The following TEP1 variants were observed in gnomAD, a reference collection of about 807,000 sequenced individuals.
TEP1 encodes the protein telomerase protein component 1.
Under a neutral mutation model 306.3 loss-of-function variants are expected in TEP1, and 241 were observed. The ratio of observed to expected loss-of-function variants is 0.79; its 90% CI spans 0.71 to 0.88. The LOEUF is 0.88. TEP1 is among the 40% of genes least tolerant of loss of function. TEP1 has a pLI of 0.00. For synonymous variants in TEP1, 1,289 were observed against 1,305.5 expected (o/e 0.99, Z 0.27); for missense variants, 3,051 against 3,276.1 (o/e 0.93, Z 1.68).
chr14:20,371,396 GTTT>G, intron 50 of TEP1, 82 bp from the exon 51 acceptor site: 3 of 1,600,392 alleles, frequency 1.9e-6, no homozygotes, highest in Non-Finnish European at 2.6e-6. Context: ...AGACTCCAGA[GTTT>G]TCTTCTAAGT....
At position 20,367,386 on chromosome 14, in the gene TEP1, G is replaced by C. The variant is rs551815410; in HGVS notation, c.*1051C>G. On this transcript the variant is annotated 3_prime_UTR_variant, in exon 55 of 55. Transcript: ENST00000262715. ...TCAAAAACAAAAAAAAAAAAAAAAG[G>C]TTTTTTACTTAAGAAAATCAGAGTT... 3 of 142,932 alleles carry C rather than the reference G, an allele frequency of 2.1e-5. No homozygotes were observed. The East Asian group carries it at 6.1e-4, about 29-fold the overall frequency. 8.9% of individuals were successfully genotyped at this position (142,932 alleles called of 1,614,324 possible).
In TEP1 at chr14:20,406,350, A is replaced by G. The variant is rs933065363; in HGVS notation, c.618T>C (p.Pro206=). The G allele has an allele frequency of 6.2e-7, 1 of 1,613,988 alleles. No individual in the cohort carries two copies. The highest frequency in any genetic ancestry group is 1.3e-5 in the African/African-American group (1 of 74,888). ...EEKKGAETQM[P]SYSLSLGEEE... is the part of the protein sequence containing the mutation. ...CCTCTCCCAAGCTCAGACTATAAGA[A>G]GGCATTTGGGTCTCTGCCCCTTTCT... is the stretch of plus-strand genomic sequence containing the variant. Residue 206 remains proline (P), a synonymous_variant, in exon 3 of 55, where the codon CCT becomes CCC. Coordinates refer to ENST00000262715, the MANE Select transcript of TEP1 (RefSeq NM_007110.5).
chr14:20,408,317 G>A lies in TEP1; in HGVS notation c.123C>T (p.His41=). The change falls in exon 2 of 55, where the codon CAC becomes CAT. Residue 41 remains histidine, a synonymous_variant. Transcript: ENST00000262715. ...LEKLHQHVST[H]SDILSLKNQC... ...GGTTCTTCAAGGAGAGGATATCTGA[G>A]TGGGTAGATACATGCTGATGTAGTT... The A allele has an allele frequency of 2.5e-6, 4 of 1,613,888 alleles. No homozygotes were observed. The highest frequency in any genetic ancestry group is 3.4e-6 in the Non-Finnish European group (4 of 1,179,962).
chr14:20,410,001 A>T, intron 1 of TEP1, among the ~76,000 whole-genome samples: 1 of 125,116 alleles, frequency 8.0e-6, no homozygotes, highest in Admixed American at 9.3e-5. Flanking sequence ...AGCCTGGGCG[A>T]CAGAGCAAGA....
Position 20,367,401 on chromosome 14 carries a change from A to C in TEP1, c.*1036T>G, listed in dbSNP as rs1339448936. ...AAAAAAAAAGGTTTTTTACTTAAGAAAATCAGAGTTCATGGCTATGATTGT... is the reference window on the plus strand; with the variant it reads ...AAAAAAAAAGGTTTTTTACTTAAGACAATCAGAGTTCATGGCTATGATTGT... On this transcript the variant is annotated 3_prime_UTR_variant, in exon 55 of 55. Transcript: ENST00000262715. The C allele has an allele frequency of 1.3e-5, 2 of 152,094 alleles. No individual in the cohort carries two copies. The highest frequency in any genetic ancestry group is 2.9e-5 in the Non-Finnish European group (2 of 68,022). 9.4% of individuals were successfully genotyped at this position (152,094 alleles called of 1,614,324 possible).
In TEP1 at chr14:20,372,855, A is replaced by C; in HGVS notation, c.6954T>G (p.Ala2318=). The part of the protein sequence containing the change: ...QEAKAVATAQ[A]PGHIGALIWS... ...AGATCAGAGCACCAATGTGGCCTGG[A>C]GCCTGGTGTACACAACAAGTTCAAT... The change falls in exon 49 of 55, where the codon GCT becomes GCG. Residue 2318 remains alanine (A), a splice_region_variant and synonymous_variant. Coordinates refer to ENST00000262715, the MANE Select transcript of TEP1 (RefSeq NM_007110.5). The C allele has an allele frequency of 1.2e-6, 2 of 1,614,174 alleles. No individual in the cohort carries two copies. Among genetic ancestry groups the C allele is most frequent in the Non-Finnish European group, 1.7e-6 (2 of 1,180,042 alleles).
chr14:20,387,546 C>T (rs917417872), intron 18 of TEP1, among the ~76,000 whole-genome samples: 1 of 81,718 alleles, frequency 1.2e-5, no homozygotes, highest in Admixed American at 1.0e-4. Flanking sequence ...AGCGAGACTC[C>T]GTCTCAAAAA....
rs375775696 is a variant in TEP1, at chr14:20,373,415, G to A, written c.6682-13C>T. 13 of 1,613,998 alleles carry A rather than the reference G, an allele frequency of 8.1e-6. No homozygotes were observed. The African/African-American group carries it at 1.6e-4, about 20-fold the overall frequency. ...GGGTTTGGCACACCTAGGAGGAAGG[G>A]ATGGAGATGGGCTCATGAGAGTGGG... On this transcript the variant is annotated splice_polypyrimidine_tract_variant and intron_variant, in intron 46 of 54. Coordinates refer to ENST00000262715, the MANE Select transcript of TEP1 (RefSeq NM_007110.5).
intron 1 of TEP1, among the ~76,000 whole-genome samples, chr14:20,410,020 CAAAAAAAAAAAAAAAAAAAAAAAA>C (rs570672845): frequency 1.7e-5 from 1 of 58,922 alleles, no homozygotes; most frequent in African/African-American, 6.7e-5. Flanking sequence ...GACTCTGTCT[CAAAAAAAAAAAAAAAAAAAAAAAA>C]AAAAAAAAAA....
Position 20,390,745 on chromosome 14 carries a change from T to C in TEP1, c.2270A>G (p.Asn757Ser), listed in dbSNP as rs1247172130. 4.3e-6 allele frequency: 7 copies of C among 1,614,008 alleles called. No individual in the cohort carries two copies. The highest frequency in any genetic ancestry group is 5.9e-6 in the Non-Finnish European group (7 of 1,180,020). ...AAAAGTATTCAGGGACCATCCATCATTTTCATCAAACTCCTGAAGGAAAGA... is the reference window on the plus strand; with the variant it reads ...AAAAGTATTCAGGGACCATCCATCACTTTCATCAAACTCCTGAAGGAAAGA... Reference protein sequence around the residue: ...LQAQVQEFDENDGWSLNTFGK... With the variant: ...LQAQVQEFDESDGWSLNTFGK... Residue 757 changes from asparagine (N) to serine (S), a missense_variant, in exon 15 of 55, where the codon AAT (asparagine) becomes AGT (serine). Around this residue, in one of 3 missense-constraint regions of TEP1, gnomAD observed 1,507 missense variants for 1,550.5 expected, o/e 0.97. Coordinates refer to ENST00000262715, the MANE Select transcript of TEP1 (RefSeq NM_007110.5).
rs575493037 is a variant in TEP1, at chr14:20,409,836, C to T, written c.-24-1373G>A. On this transcript the variant is annotated intron_variant, in intron 1 of 54. Coordinates refer to ENST00000262715, the MANE Select transcript of TEP1 (RefSeq NM_007110.5). Reference sequence around the variant, plus strand: ...GAGATCGAGACCATCCTGGCTAACACAGTGAAACCCCATCTCTACTAAAAA... The same window carrying T: ...GAGATCGAGACCATCCTGGCTAACATAGTGAAACCCCATCTCTACTAAAAA... Among the ~76,000 whole-genome samples, 381 of 151,832 alleles carry T rather than the reference C, an allele frequency of 2.5e-3. 1 individual carries two copies. The highest frequency in any genetic ancestry group is 8.4e-3 in the African/African-American group (349 of 41,410).
rs1877184178 is a variant in TEP1 at position 20,386,623 on chromosome 14, T to C, written c.2685A>G (p.Gly895=). The C allele has an allele frequency of 1.9e-6, 3 of 1,594,400 alleles. No individual in the cohort carries two copies. Among genetic ancestry groups the C allele is most frequent in the Admixed American group, 1.7e-5 (1 of 58,970 alleles). The part of the protein sequence containing the change: ...PSPLAPVSQQ[G]WRSIRLFISS... ...AAATGAAAAGCCGGATGCTGCGCCATCTGGGGATAAGCAGAGAGCTGGGCT... is the reference window on the plus strand; with the variant it reads ...AAATGAAAAGCCGGATGCTGCGCCACCTGGGGATAAGCAGAGAGCTGGGCT... The change falls in exon 19 of 55, where the codon GGA becomes GGG. Residue 895 remains glycine, a splice_region_variant and synonymous_variant. Coordinates refer to ENST00000262715, the MANE Select transcript of TEP1 (RefSeq NM_007110.5).
At chr14:20,411,933 T>C (rs1879708812) in intron 1 of TEP1, among the ~76,000 whole-genome samples, 1 of 151,832 alleles carries the variant, frequency 6.6e-6, no homozygotes, top group Non-Finnish European at 1.5e-5. Context: ...GGCAACATAG[T>C]GAGACCTCTA....
intron 18 of TEP1, 71 bp downstream of exon 18, chr14:20,387,834 C>A: frequency 6.6e-7 from 1 of 1,517,906 alleles, no homozygotes; most frequent in South Asian, 1.3e-5. Flanking sequence ...GCTAGAATTT[C>A]AGCCCCAGGG....
chr14:20,395,740 GC>G (rs1233605110), intron 11 of TEP1, 113 bp from the exon 12 acceptor site: 3 of 1,495,116 alleles, frequency 2.0e-6, no homozygotes, highest in Non-Finnish European at 2.7e-6. Flanking sequence ...CCTGACCTCT[GC>G]CCCCCACCCC....
chr14:20,406,393 C>T lies in TEP1; in HGVS notation c.575G>A (p.Trp192Ter). Residue 192 changes from tryptophan to a stop codon, truncating the protein, a stop_gained, in exon 3 of 55, where the codon TGG becomes TAG. Transcript: ENST00000262715. LOFTEE classifies it high-confidence loss of function. ...CCCTTTCTTCTCTTCTGAATCAAAC[C>T]AACGACCCTGGGGTAGTAGTGGCAG... ...ETAQEATLGR[W>*]FDSEEKKGAE... 1 of 1,614,004 alleles carries T rather than the reference C, an allele frequency of 6.2e-7. No individual in the cohort carries two copies. The highest frequency in any genetic ancestry group is 8.5e-7 in the Non-Finnish European group (1 of 1,179,976).
At position 20,396,643 on chromosome 14, in the gene TEP1, A is replaced by G. The variant is rs1310129323; in HGVS notation, c.1637T>C (p.Ile546Thr). Residue 546 changes from isoleucine to threonine, a missense_variant, in exon 10 of 55, where the codon ATT becomes ACT. Ile to Thr is a moderately conservative substitution (Grantham distance 89). Coordinates refer to ENST00000262715, the MANE Select transcript of TEP1 (RefSeq NM_007110.5). The stretch of plus-strand genomic sequence containing the variant: ...TACCGCATGCTGGAGTCTCTGGAGA[A>G]TGAGCTCATGGTGGCGGGAACTGAT... The part of the protein sequence containing the change: ...VGISSRHHEL[I>T]LQRLQHAKSV... 2.5e-6 allele frequency: 4 copies of G among 1,610,224 alleles called. No individual in the cohort carries two copies. Among genetic ancestry groups the G allele is most frequent in the South Asian group, 2.2e-5 (2 of 90,968 alleles).
At position 20,381,152 on chromosome 14, in the gene TEP1, G is replaced by C. The variant is rs931295949; in HGVS notation, c.4648-107C>G. ...AGATAGGATCTGAGCTGGGACAAAG[G>C]ACTTGAAGAAGAAGGGCAGGAAAAC... On this transcript the variant is annotated intron_variant, in intron 32 of 54. Coordinates refer to ENST00000262715, the MANE Select transcript of TEP1 (RefSeq NM_007110.5). This position sits in a 1 kb window ranked among gnomAD's most constrained non-coding sequence, Gnocchi z 4.0. The C allele has an allele frequency of 3.3e-6, 4 of 1,230,040 alleles. No individual in the cohort carries two copies. The African/African-American group carries it at 4.5e-5, about 14-fold the overall frequency. The allele number at this position is 1,230,040 out of a possible 1,614,324, so 76.2% of individuals were successfully genotyped here.
chr14:20,388,784 G>A (rs922391713), intron 17 of TEP1, among the ~76,000 whole-genome samples: 3 of 152,172 alleles, frequency 2.0e-5, no homozygotes, highest in African/African-American at 7.2e-5. Context: ...AAGTGCCTGG[G>A]TCCCTGTGAC....
Sources: gnomAD v4.1 joint callset for allele counts (sites outside exome capture counted in the v4.1 genomes callset) on GRCh38, gnomAD v4.1.1 for gene constraint, gnomAD v4.1.1 regional missense constraint, Gnocchi (gnomAD v3.1) non-coding constraint, MANE v1.5 for transcripts, NCBI Gene and HGNC (gene_info 2026-07-23, HGNC 2026-07-21) for gene names.